The following TMEM19 variants were observed in gnomAD, a reference collection of about 807,000 sequenced individuals.
The protein encoded by TMEM19 is transmembrane protein 19.
Under a neutral mutation model 33.6 loss-of-function variants are expected in TMEM19, and 21 were observed. The ratio of observed to expected loss-of-function variants is 0.62; its 90% confidence interval spans 0.44 to 0.90. TMEM19 has a LOEUF of 0.90. Ranked by LOEUF, TMEM19 falls within the 40% of genes least tolerant of loss-of-function variation. The pLI is 0.00. For missense variants in TMEM19, 402 were observed against 401.8 expected, an observed-to-expected ratio of 1.00 and a Z score of 0.00; for synonymous variants, 149 against 147.5, an observed-to-expected ratio of 1.01 and a Z score of -0.07.
chr12:71,696,523 C>T lies in TMEM19; in HGVS notation c.332C>T (p.Thr111Ile), dbSNP rs770085977. 16 of 1,612,106 alleles carry T rather than the reference C, an allele frequency of 9.9e-6. 1 individual carries two copies. In the Middle Eastern group the frequency reaches 6.6e-4, roughly 67 times the overall value. ...TTTTTCTTGTCTTCTTCGAAACTCACTAAATGGAAGGGAGAAGTGAAGAAG... is the reference window on the plus strand; with the variant it reads ...TTTTTCTTGTCTTCTTCGAAACTCATTAAATGGAAGGGAGAAGTGAAGAAG... ...LMFFLSSSKL[T>I]KWKGEVKKRL... Residue 111 changes from threonine (T) to isoleucine (I), a missense_variant, in exon 3 of 6, where the codon ACT becomes ATT. Transcript: ENST00000266673.
At chr12:71,690,885 G>A (rs1881773701) in intron 2 of TMEM19, among the ~76,000 whole-genome samples, 1 of 152,212 alleles carries the variant, frequency 6.6e-6, no homozygotes, top group Non-Finnish European at 1.5e-5. Context: ...AGGAAAAGAA[G>A]TGAGAGATAA....
intron 1 of TMEM19, among the ~76,000 whole-genome samples, chr12:71,687,012 T>C (rs928003727): frequency 6.6e-6 from 1 of 150,564 alleles, no homozygotes; most frequent in African/African-American, 2.4e-5. Context: ...ATTCGAGTTA[T>C]ACCTATTTCT....
intron 2 of TMEM19, among the ~76,000 whole-genome samples, chr12:71,693,331 C>T (rs1018154697): frequency 6.6e-6 from 1 of 152,020 alleles, no homozygotes; most frequent in Non-Finnish European, 1.5e-5. Flanking sequence ...TGGGTAGTAG[C>T]GACTACAGGC....
intron 1 of TMEM19, among the ~76,000 whole-genome samples, chr12:71,688,248 A>G (rs937740203): frequency 3.3e-5 from 5 of 151,346 alleles, no homozygotes; most frequent in Non-Finnish European, 5.9e-5. Flanking sequence ...TTTCCCCTTT[A>G]TTTTTCTGAG....
intron 5 of TMEM19, 180 bp downstream of exon 5, chr12:71,699,289 G>C (rs193057742): frequency 1.5e-6 from 1 of 646,940 alleles, no homozygotes; most frequent in Non-Finnish European, 2.7e-6. Context: ...TAAATTAATT[G>C]AAAGAGAATT....
chr12:71,699,131 T>A, intron 5 of TMEM19, 22 bp downstream of exon 5: 1 of 1,610,702 alleles, frequency 6.2e-7, no homozygotes, highest in Admixed American at 1.7e-5. Context: ...CCTTCATTCT[T>A]GCAACTTATT....
At chr12:71,693,777 T>A (rs777926777) in intron 2 of TMEM19, among the ~76,000 whole-genome samples, 17 of 152,186 alleles carry the variant, frequency 1.1e-4, no homozygotes, top group Middle Eastern at 3.2e-3. Flanking sequence ...TTTCCCGTGC[T>A]GTTCTCGTGA....
At position 71,701,513 on chromosome 12, in the gene TMEM19, TG is replaced by T. The variant is rs1214269997; in HGVS notation, c.*521del. On this transcript the variant is annotated 3_prime_UTR_variant, in exon 6 of 6. Transcript: ENST00000266673. ...TCTCCCATTAATTGCTATTCACAATTGGGAAAAGTGTGGAGATTGGTTCCTA... is the reference window on the plus strand; with the variant it reads ...TCTCCCATTAATTGCTATTCACAATTGGAAAAGTGTGGAGATTGGTTCCTA... 4 of 152,226 alleles carry T rather than the reference TG, an allele frequency of 2.6e-5. No homozygotes were observed. Among genetic ancestry groups the T allele is most frequent in the Non-Finnish European group, 5.9e-5 (4 of 68,046 alleles). The allele number at this position is 152,226 out of a possible 1,614,324, so 9.4% of individuals were successfully genotyped here.
At chr12:71,688,855 A>G (rs1881736440) in intron 1 of TMEM19, among the ~76,000 whole-genome samples, 1 of 152,208 alleles carries the variant, frequency 6.6e-6, no homozygotes, top group Admixed American at 6.5e-5. Flanking sequence ...CTCTGGAATA[A>G]TCAATTTCTA....
chr12:71,699,170 G>GA (rs1565856569), intron 5 of TMEM19, 61 bp downstream of exon 5: 2 of 1,566,100 alleles, frequency 1.3e-6, no homozygotes, highest in South Asian at 1.1e-5. Flanking sequence ...GGAAAAGAAA[G>GA]AAAAAAATGT....
In TMEM19 at chr12:71,704,182, A is replaced by G. The variant is rs567248612; in HGVS notation, c.*3187A>G. 1.4e-5 allele frequency: 3 copies of G among 213,312 alleles called. No homozygotes were observed. In the South Asian group the frequency reaches 1.9e-4, roughly 13 times the overall value. 13.2% of individuals were successfully genotyped at this position (213,312 alleles called of 1,614,324 possible). On this transcript the variant is annotated 3_prime_UTR_variant, in exon 6 of 6. Transcript: ENST00000266673. The stretch of plus-strand genomic sequence containing the variant: ...TGAAAACTCATTAAATGGAGCCACC[A>G]AGAGACCAAAGAATTGATACAGCAG...
rs1232617757 is a variant in TMEM19, at chr12:71,701,646, A to T, written c.*651A>T. 1 of 152,264 alleles carries T rather than the reference A, an allele frequency of 6.6e-6. No individual in the cohort carries two copies. Among genetic ancestry groups the T allele is most frequent in the African/African-American group, 2.4e-5 (1 of 41,476 alleles). 9.4% of individuals were successfully genotyped at this position (152,264 alleles called of 1,614,324 possible). ...TCCATTAGAATGTATGAAAAAAATC[A>T]TTTTAACTAAAAGCAAAAGAATTTT... is the stretch of plus-strand genomic sequence containing the variant. On this transcript the variant is annotated 3_prime_UTR_variant, in exon 6 of 6. Transcript: ENST00000266673.
Position 71,701,127 on chromosome 12 carries a change from A to C in TMEM19, c.*132A>C. 1 of 928,716 alleles carries C rather than the reference A, an allele frequency of 1.1e-6. No individual in the cohort carries two copies. The highest frequency in any genetic ancestry group is 2.3e-5 in the South Asian group (1 of 43,894). 57.5% of individuals were successfully genotyped at this position (928,716 alleles called of 1,614,324 possible). A position where few individuals can be genotyped will look rare whatever the true frequency, so the allele number is the denominator to read the frequency against. On this transcript the variant is annotated 3_prime_UTR_variant, in exon 6 of 6. Transcript: ENST00000266673. Reference sequence around the variant, plus strand: ...TCCTCCTGTATTCCATTGAGATGGGATTTCACATTTTCCTCTCATCAACTC... The same window carrying C: ...TCCTCCTGTATTCCATTGAGATGGGCTTTCACATTTTCCTCTCATCAACTC...
Position 71,698,922 on chromosome 12 carries a change from G to C in TMEM19, c.660G>C (p.Val220=), listed in dbSNP as rs201037148. 36 of 1,614,146 alleles carry C rather than the reference G, an allele frequency of 2.2e-5. 1 individual carries two copies. In the East Asian group the frequency reaches 7.6e-4, roughly 34 times the overall value. ...CAGGTACCAATGGAGGAGTTACAGT[G>C]GTGGGCCTTGTCTCCAGTCTCCTTG... ...VPVGTNGGVT[V]VGLVSSLLGG... is the part of the protein sequence containing the mutation. Residue 220 remains valine (V), a synonymous_variant, in exon 5 of 6, where the codon GTG becomes GTC. Coordinates refer to ENST00000266673, the MANE Select transcript of TMEM19 (RefSeq NM_018279.4).
intron 1 of TMEM19, among the ~76,000 whole-genome samples, chr12:71,689,084 A>T (rs1424920112): frequency 2.0e-5 from 3 of 152,226 alleles, no homozygotes; most frequent in Non-Finnish European, 4.4e-5. Flanking sequence ...TTCTCCAGTA[A>T]GACTGTTTCT....
intron 5 of TMEM19, 67 bp from the exon 6 acceptor site, chr12:71,700,765 A>AT: frequency 7.2e-7 from 1 of 1,395,548 alleles, no homozygotes; most frequent in Non-Finnish European, 9.5e-7. Context: ...AAAAAAAAAA[A>AT]GAAAGAAAAG....
intron 1 of TMEM19, among the ~76,000 whole-genome samples, chr12:71,688,056 T>C (rs1024142854): frequency 6.6e-6 from 1 of 152,206 alleles, no homozygotes; most frequent in Non-Finnish European, 1.5e-5. Flanking sequence ...GTATTTACTA[T>C]GACTTGAACT....
rs759386246 is a variant in TMEM19 at position 71,697,402 on chromosome 12, G to T, written c.505G>T (p.Ala169Ser). The T allele has an allele frequency of 6.2e-7, 1 of 1,610,580 alleles. No homozygotes were observed. Among genetic ancestry groups the T allele is most frequent in the African/African-American group, 1.3e-5 (1 of 74,568 alleles). ...AGTCGATTTTTCCAAGCAGTACTCC[G>T]CTTCCTGGATGTGTTTGTCTCTCTT... ...IPVDFSKQYS[A>S]SWMCLSLLAA... Residue 169 changes from alanine to serine, a missense_variant, in exon 4 of 6, where the codon GCT becomes TCT. Ala to Ser is a moderately conservative substitution (Grantham distance 99). Coordinates refer to ENST00000266673, the MANE Select transcript of TMEM19 (RefSeq NM_018279.4).
At chr12:71,695,315 A>G (rs542314800) in intron 2 of TMEM19, among the ~76,000 whole-genome samples, 2 of 152,346 alleles carry the variant, frequency 1.3e-5, no homozygotes, top group African/African-American at 4.8e-5. Context: ...TAAAAAGGAT[A>G]TAGATGCCAT....
Sources: gnomAD v4.1 joint callset for allele counts (sites outside exome capture counted in the v4.1 genomes callset) on GRCh38, gnomAD v4.1.1 for gene constraint, MANE v1.5 for transcripts, NCBI Gene and HGNC (gene_info 2026-07-23, HGNC 2026-07-21) for gene names.